The following CCDC158 variants were observed in gnomAD, a reference collection of about 807,000 sequenced individuals.
CCDC158 encodes coiled-coil domain-containing protein 158.
A neutral mutation model predicts 138.6 loss-of-function variants in CCDC158; 116 were observed. The observed-to-expected ratio is 0.84, with a 90% CI of 0.72 to 0.98. CCDC158 has a LOEUF of 0.98. CCDC158 is among the 50% of genes least tolerant of loss of function. CCDC158 has a pLI of 0.00. For missense variants in CCDC158, 1,265 were observed against 1,306.1 expected (o/e 0.97, Z 0.48); for synonymous variants, 436 against 442.4 (o/e 0.99, Z 0.18).
rs1721092913 is a variant in CCDC158 at position 76,332,487 on chromosome 4, C to A, written c.2827G>T (p.Asp943Tyr). The change falls in exon 20 of 25, where the codon GAT becomes TAT. Residue 943 changes from aspartate (D) to tyrosine (Y), a missense_variant. Physicochemically the swap from Asp to Tyr is radical, Grantham distance 160 (BLOSUM62 -3). Coordinates refer to ENST00000682701, the MANE Select transcript of CCDC158 (RefSeq NM_001394954.1). ...SLGALYVAVEDRVRDCITESS... is the reference protein window; with the variant it reads ...SLGALYVAVEYRVRDCITESS... ...TCAGTAATGCAATCTCTTACCCTAT[C>A]CTCTCTGTATAGAAAATATAACTCT... The A allele has an allele frequency of 6.2e-7, 1 of 1,604,748 alleles. No homozygotes were observed. The highest frequency in any genetic ancestry group is 1.3e-5 in the African/African-American group (1 of 74,682).
intron 13 of CCDC158, among the ~76,000 whole-genome samples, chr4:76,359,424 A>C (rs1723913003): frequency 6.6e-6 from 1 of 152,224 alleles, no homozygotes; most frequent in Non-Finnish European, 1.5e-5. Context: ...AGACAGGAAG[A>C]TGTGGGAAAG....
Position 76,323,386 on chromosome 4 carries a change from T to G in CCDC158, c.3193A>C (p.Thr1065Pro). 2 of 1,611,832 alleles carry G rather than the reference T, an allele frequency of 1.2e-6. No homozygotes were observed. The highest frequency in any genetic ancestry group is 1.7e-6 in the Non-Finnish European group (2 of 1,178,922). ...AGCTTCCTGCATGTTTTTCCTGTTG[T>G]TTCTATTGGCGGAGACTGTGAATCT... ...VKDSQSPPIE[T>P]TGKTCRKLQN... The change falls in exon 24 of 25, where the codon ACA becomes CCA. Residue 1065 changes from threonine to proline, a missense_variant. Coordinates refer to ENST00000682701, the MANE Select transcript of CCDC158 (RefSeq NM_001394954.1).
intron 24 of CCDC158, among the ~76,000 whole-genome samples, 199 bp from the exon 25 acceptor site, chr4:76,313,445 A>T (rs1719078071): frequency 6.6e-6 from 1 of 152,064 alleles, no homozygotes; most frequent in Admixed American, 6.5e-5. Context: ...TTAGTGTTTC[A>T]GGTGTTTTAT....
intron 3 of CCDC158, among the ~76,000 whole-genome samples, chr4:76,401,027 A>C (rs1026719605): frequency 1.8e-4 from 27 of 152,174 alleles, no homozygotes; most frequent in Non-Finnish European, 3.5e-4. Context: ...TTTAAAAAAA[A>C]CCCAGCGGTG....
intron 18 of CCDC158, among the ~76,000 whole-genome samples, chr4:76,346,480 G>C (rs527769513): frequency 6.6e-6 from 1 of 152,342 alleles, no homozygotes; most frequent in East Asian, 1.9e-4. Flanking sequence ...GGGAGGCCAA[G>C]CTGGGTGGAT....
In CCDC158 at chr4:76,351,729, C is replaced by G; in HGVS notation, c.2529G>C (p.Leu843Phe). Residue 843 changes from leucine (L) to phenylalanine (F), a missense_variant, in exon 17 of 25, where the codon TTG becomes TTC. By Grantham distance (22) the Leu-to-Phe change is conservative. Transcript: ENST00000682701. ...TTTATGATGACCTTACTTTTATATC[C>G]AAAGTGTGTTGAAGTTTTAAGCGCA... ...ESVRLKLQHTLDIKELQGPGY... is the reference protein window; with the variant it reads ...ESVRLKLQHTFDIKELQGPGY... 1 of 1,604,674 alleles carries G rather than the reference C, an allele frequency of 6.2e-7. No individual in the cohort carries two copies. The highest frequency in any genetic ancestry group is 8.5e-7 in the Non-Finnish European group (1 of 1,172,026).
At position 76,319,776 on chromosome 4, in the gene CCDC158, C is replaced by T. The variant is rs78611675; in HGVS notation, c.3277+3526G>A. Among the ~76,000 whole-genome samples the T allele has an allele frequency of 2.0e-3, 308 of 151,998 alleles. 4 individuals carry two copies. The East Asian group carries it at 0.041, about 20-fold the overall frequency. On this transcript the variant is annotated intron_variant, in intron 24 of 24. Coordinates refer to ENST00000682701, the MANE Select transcript of CCDC158 (RefSeq NM_001394954.1). ...ATGAAAACCCTCGGCAAAATCGGCA[C>T]AGATGGGACATACCTCAAGGTAACC...
At position 76,382,635 on chromosome 4, in the gene CCDC158, T is replaced by C. The variant is rs17001885; in HGVS notation, c.889A>G (p.Ile297Val). ...ASSARSQANSIQSQMEIIQEQ... is the reference protein window; with the variant it reads ...ASSARSQANSVQSQMEIIQEQ... ...TGAATGATTTCCATTTGACTCTGGA[T>C]ACTATTGGCTTGGCTTCGAGCACTG... Residue 297 changes from isoleucine to valine, a missense_variant, in exon 8 of 25, where the codon ATC (isoleucine) becomes GTC (valine). Transcript: ENST00000682701. 7,675 of 1,611,476 alleles carry C rather than the reference T, an allele frequency of 4.8e-3. 282 individuals carry two copies. The African/African-American group carries it at 0.087, about 18-fold the overall frequency.
intron 12 of CCDC158, among the ~76,000 whole-genome samples, chr4:76,367,093 C>T (rs868285994): frequency 6.6e-6 from 1 of 151,932 alleles, no homozygotes. Flanking sequence ...TGATTTTGAG[C>T]CATTTTCGAG....
intron 4 of CCDC158, among the ~76,000 whole-genome samples, chr4:76,392,839 C>A (rs1383767583): frequency 2.0e-5 from 3 of 151,974 alleles, no homozygotes; most frequent in Admixed American, 1.3e-4. Context: ...TTTCTATATG[C>A]CAACAGTGAG....
At chr4:76,336,197 A>AC (rs1721483579) in intron 18 of CCDC158, among the ~76,000 whole-genome samples, 1 of 150,650 alleles carries the variant, frequency 6.6e-6, no homozygotes, top group South Asian at 2.1e-4. Flanking sequence ...AAAAAAAAAA[A>AC]AAAAAAAAAA....
Position 76,328,970 on chromosome 4 carries a change from G to T in CCDC158, c.2943-3C>A. ...CTGCGTGTAATGTGACTGGCTCTCT[G>T]GAAGCATAAGAATGGTAATGCAAGC... On this transcript the variant is annotated splice_region_variant and splice_polypyrimidine_tract_variant and intron_variant, in intron 21 of 24. Transcript: ENST00000682701. 6.2e-7 allele frequency: 1 copy of T among 1,612,488 alleles called. No individual in the cohort carries two copies. The highest frequency in any genetic ancestry group is 8.5e-7 in the Non-Finnish European group (1 of 1,178,630).
chr4:76,340,206 G>A (rs1390228889), intron 18 of CCDC158, among the ~76,000 whole-genome samples: 1 of 152,232 alleles, frequency 6.6e-6, no homozygotes, highest in Non-Finnish European at 1.5e-5. Context: ...TTAACATTGG[G>A]ATTTTTGACA....
chr4:76,375,167 C>T (rs1165902343), intron 9 of CCDC158: 1 of 177,888 alleles, frequency 5.6e-6, no homozygotes. Context: ...ATATTGACAT[C>T]TGAGATGTAT....
chr4:76,402,320 C>T (rs550991486), intron 3 of CCDC158, among the ~76,000 whole-genome samples: 3 of 152,234 alleles, frequency 2.0e-5, no homozygotes, highest in Admixed American at 1.3e-4. Flanking sequence ...GGGAAGAGCT[C>T]GCAGAAGAGC....
intron 2 of CCDC158, among the ~76,000 whole-genome samples, chr4:76,410,572 T>C (rs914065737): frequency 6.0e-4 from 91 of 152,168 alleles, no homozygotes; most frequent in African/African-American, 2.1e-3. Context: ...AGCTCCTAGG[T>C]TGATGAACCA....
intron 24 of CCDC158, among the ~76,000 whole-genome samples, chr4:76,319,187 G>A (rs1296685679): frequency 5.9e-5 from 9 of 151,628 alleles, no homozygotes; most frequent in African/African-American, 1.9e-4. Context: ...CAGGAGAATG[G>A]TGTGAACCCG....
chr4:76,412,498 T>C (rs1022607037), intron 1 of CCDC158, among the ~76,000 whole-genome samples: 8 of 152,174 alleles, frequency 5.3e-5, no homozygotes, highest in Admixed American at 1.3e-4. Context: ...TGGTGGCTCA[T>C]GACTGTTATC....
chr4:76,321,311 A>G (rs534356617), intron 24 of CCDC158, among the ~76,000 whole-genome samples: 3 of 152,210 alleles, frequency 2.0e-5, no homozygotes, highest in Admixed American at 2.0e-4. Flanking sequence ...AAAAGGGAAC[A>G]CTTTTACACT....
Sources: gnomAD v4.1 joint callset for allele counts (sites outside exome capture counted in the v4.1 genomes callset) on GRCh38, gnomAD v4.1.1 for gene constraint, MANE v1.5 for transcripts, NCBI Gene and HGNC (gene_info 2026-07-23, HGNC 2026-07-21) for gene names.